The following KMT2D variants were observed in gnomAD, a reference collection of about 807,000 sequenced individuals.
The protein encoded by KMT2D is histone-lysine N-methyltransferase 2D.
A neutral mutation model predicts 512.7 loss-of-function variants in KMT2D; 55 were observed. That is an observed-to-expected ratio of 0.11 (90% confidence interval 0.09 to 0.13). The LOEUF (loss-of-function observed/expected upper bound fraction) is 0.13, where lower values mean the gene tolerates loss of function less well. Among genes scored for constraint, KMT2D ranks in the 10% least tolerant of loss-of-function variants. KMT2D has a pLI of 1.00. For synonymous variants in KMT2D, 2,995 were observed against 2,904.0 expected (o/e 1.03, Z -1.01); for missense variants, 6,061 against 7,127.9 (o/e 0.85, Z 5.39).
chr12:49,058,590 A>G (rs564756054), intron 1 of KMT2D, among the ~76,000 whole-genome samples: 1 of 152,134 alleles, frequency 6.6e-6, no homozygotes, highest in African/African-American at 2.4e-5. Context: ...TCTCCCCAAT[A>G]CCTTCTGCCA....
In KMT2D at chr12:49,039,472, T is replaced by C; in HGVS notation, c.8192A>G (p.Gln2731Arg). 6.2e-7 allele frequency: 1 copy of C among 1,606,492 alleles called. No homozygotes were observed. The highest frequency in any genetic ancestry group is 8.5e-7 in the Non-Finnish European group (1 of 1,175,372). Residue 2731 changes from glutamine to arginine, a missense_variant, in exon 33 of 55, where the codon CAG becomes CGG. Physicochemically the swap from Gln to Arg is conservative, Grantham distance 43. This residue lies in a region of KMT2D where 527 missense variants were observed against 578.9 expected (regional missense o/e 0.91). Coordinates refer to ENST00000301067, the MANE Select transcript of KMT2D (RefSeq NM_003482.4). This position sits in a 1 kb window ranked among gnomAD's most constrained non-coding sequence, Gnocchi z 5.0. ...AAAGGGGGTCTGGCCTCGACTCAGC[T>C]GCTCAAAGGCAGGGCTGCTGGGCTC... ...GAEPSSPAFE[Q>R]LSRGQTPFAG...
In KMT2D at chr12:49,053,462, C is replaced by A. The variant is rs1224679829; in HGVS notation, c.839+14G>T. 2 of 1,610,804 alleles carry A rather than the reference C, an allele frequency of 1.2e-6. No homozygotes were observed. Among genetic ancestry groups the A allele is most frequent in the African/African-American group, 1.3e-5 (1 of 74,994 alleles). On this transcript the variant is annotated intron_variant, in intron 7 of 54. Transcript: ENST00000301067. ...GTTGTGCCTAAGACTTTCCTCCTGC[C>A]CTTCCATTCCTACCTGCAGGCTTGG...
rs80149580 is a variant in KMT2D, at chr12:49,037,311, T to C, written c.10045A>G (p.Met3349Val). Reference sequence around the variant, plus strand: ...AGCATATGCCCTTGATTGGACACCATAGCCATGGATGGAGCCAGGCGTTGC... The same window carrying C: ...AGCATATGCCCTTGATTGGACACCACAGCCATGGATGGAGCCAGGCGTTGC... ...LQQRLAPSMA[M>V]VSNQGHMLSG... The change falls in exon 35 of 55, where the codon ATG (methionine) becomes GTG (valine). Residue 3349 changes from methionine (M) to valine (V), a missense_variant. Around this residue, in one of 16 missense-constraint regions of KMT2D, gnomAD observed 533 missense variants for 539.6 expected, o/e 0.99. Transcript: ENST00000301067. 1.1e-3 allele frequency: 1,814 copies of C among 1,613,238 alleles called. 26 individuals are homozygous for C. The East Asian group carries it at 0.037, about 33-fold the overall frequency.
Position 49,033,931 on chromosome 12 carries a change from T to C in KMT2D, c.10774A>G (p.Met3592Val), listed in dbSNP as rs372758101. ...RKQQKEHTNL[M>V]AEYRNKQQQQ... ...TGCTGCTTGTTCCGATATTCTGCCATGAGATTAGTGTGCTCCTTCTGCTGT... is the reference window on the plus strand; with the variant it reads ...TGCTGCTTGTTCCGATATTCTGCCACGAGATTAGTGTGCTCCTTCTGCTGT... The change falls in exon 40 of 55, where the codon ATG (methionine) becomes GTG (valine). Residue 3592 changes from methionine (M) to valine (V), a missense_variant. Met to Val is a conservative substitution (Grantham distance 21). Transcript: ENST00000301067. The C allele has an allele frequency of 2.0e-6, 3 of 1,528,382 alleles. No individual in the cohort carries two copies. The highest frequency in any genetic ancestry group is 4.1e-5 in the Admixed American group (2 of 49,060). 94.7% of individuals were successfully genotyped at this position (1,528,382 alleles called of 1,614,324 possible). A position where few individuals can be genotyped will look rare whatever the true frequency, so the allele number is the denominator to read the frequency against.
Position 49,042,030 on chromosome 12 carries a change from G to A in KMT2D, c.6110-40C>T, listed in dbSNP as rs752831850. 1 of 1,611,794 alleles carries A rather than the reference G, an allele frequency of 6.2e-7. No individual in the cohort carries two copies. Among genetic ancestry groups the A allele is most frequent in the East Asian group, 2.2e-5 (1 of 44,826 alleles). On this transcript the variant is annotated intron_variant, in intron 29 of 54. Transcript: ENST00000301067. The surrounding 1 kb of genome is among the most constrained non-coding windows in gnomAD (Gnocchi z 4.4). Reference sequence around the variant, plus strand: ...GAGTGAGTCAGAGAAGACTTGGCAGGCGACTCCTCCACCTGCCATGTTGCC... The same window carrying A: ...GAGTGAGTCAGAGAAGACTTGGCAGACGACTCCTCCACCTGCCATGTTGCC...
chr12:49,035,891 ACTCC>A (rs1377771723), intron 35 of KMT2D: 1 of 151,916 alleles, frequency 6.6e-6, no homozygotes, highest in African/African-American at 2.4e-5. Flanking sequence ...ACTAACCCAA[ACTCC>A]CTCTCCTGGA....
chr12:49,051,289 G>A lies in KMT2D; in HGVS notation c.2394C>T (p.Ser798=), dbSNP rs750431611. 1.3e-5 allele frequency: 21 copies of A among 1,566,770 alleles called. No individual in the cohort carries two copies. The Admixed American group carries it at 3.1e-4, about 23-fold the overall frequency. Residue 798 remains serine, a synonymous_variant, in exon 11 of 55, where the codon TCC becomes TCT. Transcript: ENST00000301067. ...ACAGGTGCAATTCCTCAGGCTGAGG[G>A]GACAGATGTGGTCCCTCAGCCTGGG... The part of the protein sequence containing the change: ...LSPQAEGPHL[S]PQPEELHLSP...
rs1943772853 is a variant in KMT2D, at chr12:49,046,112, T to A, written c.4646A>T (p.Glu1549Val). 1 of 1,611,014 alleles carries A rather than the reference T, an allele frequency of 6.2e-7. No homozygotes were observed. The highest frequency in any genetic ancestry group is 8.5e-7 in the Non-Finnish European group (1 of 1,178,554). ...CTGGCAGGAGACACAGTCAAAGCCT[T>A]CATCGGCTGCCTGCTCCACATCGTC... ...TEDDVEQAADEGFDCVSCQPY... is the reference protein window; with the variant it reads ...TEDDVEQAADVGFDCVSCQPY... The change falls in exon 18 of 55, where the codon GAA becomes GTA. Residue 1549 changes from glutamate to valine, a missense_variant. Around this residue, in one of 16 missense-constraint regions of KMT2D, gnomAD observed 640 missense variants for 814.3 expected, o/e 0.79. Coordinates refer to ENST00000301067, the MANE Select transcript of KMT2D (RefSeq NM_003482.4). This position sits in a 1 kb window ranked among gnomAD's most constrained non-coding sequence, Gnocchi z 4.2.
At chr12:49,047,932 C>G (rs1022761321) in intron 15 of KMT2D, 33 bp downstream of exon 15, 36 of 1,462,430 alleles carry the variant, frequency 2.5e-5, no homozygotes, top group Non-Finnish European at 3.4e-5. Context: ...TGACCCTATT[C>G]CCCAGCCTAC....
At position 49,022,954 on chromosome 12, in the gene KMT2D, T is replaced by C. The variant is rs1942397315; in HGVS notation, c.16053-79A>G. 12 of 1,414,558 alleles carry C rather than the reference T, an allele frequency of 8.5e-6. No homozygotes were observed. The Middle Eastern group carries it at 5.6e-4, about 66-fold the overall frequency. 87.6% of individuals were successfully genotyped at this position (1,414,558 alleles called of 1,614,324 possible). On this transcript the variant is annotated intron_variant, in intron 51 of 54. Transcript: ENST00000301067. This position sits in a 1 kb window ranked among gnomAD's most constrained non-coding sequence, Gnocchi z 8.6. ...ACCACCCACCTCCTCTGCCACCTCCTGGGATGTGCAACACACCAGTTAGGG... is the reference window on the plus strand; with the variant it reads ...ACCACCCACCTCCTCTGCCACCTCCCGGGATGTGCAACACACCAGTTAGGG...
Position 49,041,157 on chromosome 12 carries a change from C to A in KMT2D, c.6613G>T (p.Ala2205Ser), listed in dbSNP as rs1477207391. 6.6e-7 allele frequency: 1 copy of A among 1,521,852 alleles called. No individual in the cohort carries two copies. The highest frequency in any genetic ancestry group is 1.3e-5 in the South Asian group (1 of 75,202). 94.3% of individuals were successfully genotyped at this position (1,521,852 alleles called of 1,614,324 possible). A position where few individuals can be genotyped will look rare whatever the true frequency, so the allele number is the denominator to read the frequency against. The change falls in exon 32 of 55, where the codon GCC (alanine) becomes TCC (serine). Residue 2205 changes from alanine to serine, a missense_variant. By Grantham distance (99) the Ala-to-Ser change is moderately conservative (BLOSUM62 1). Coordinates refer to ENST00000301067, the MANE Select transcript of KMT2D (RefSeq NM_003482.4). The surrounding 1 kb of genome is among the most constrained non-coding windows in gnomAD (Gnocchi z 5.4). ...CCCAGCATCGGGGGCTGCGCAGGGGCCCCCGTAGGACTAGGATAGGGGGGA... is the reference window on the plus strand; with the variant it reads ...CCCAGCATCGGGGGCTGCGCAGGGGACCCCGTAGGACTAGGATAGGGGGGA... ...TYPPYPSPTG[A>S]PAQPPMLGAS...
chr12:49,042,627 T>A lies in KMT2D; in HGVS notation c.5801A>T (p.Asn1934Ile), dbSNP rs756972898. 1.9e-6 allele frequency: 3 copies of A among 1,613,532 alleles called. No homozygotes were observed. The highest frequency in any genetic ancestry group is 2.5e-6 in the Non-Finnish European group (3 of 1,179,718). The change falls in exon 28 of 55, where the codon AAT becomes ATT. Residue 1934 changes from asparagine to isoleucine, a missense_variant. This residue lies in a region of KMT2D where 640 missense variants were observed against 814.3 expected (regional missense o/e 0.79). Coordinates refer to ENST00000301067, the MANE Select transcript of KMT2D (RefSeq NM_003482.4). This position sits in a 1 kb window ranked among gnomAD's most constrained non-coding sequence, Gnocchi z 4.4. ...PFLQGGLPLG[N>I]LPSSSPMDSY... Reference sequence around the variant, plus strand: ...GTCCATTGGGCTGCTGGAGGGCAGATTGCCCAAAGGGAGTCCACCTACAAG... The same window carrying A: ...GTCCATTGGGCTGCTGGAGGGCAGAATGCCCAAAGGGAGTCCACCTACAAG...
In KMT2D at chr12:49,022,130, G is replaced by A. The variant is rs769312851; in HGVS notation, c.16434C>T (p.Ala5478=). 5.0e-6 allele frequency: 8 copies of A among 1,613,702 alleles called. No homozygotes were observed. The East Asian group carries it at 6.7e-5, about 13-fold the overall frequency. ...GPARYINHSC[A]PNCVAEVVTF... is the part of the protein sequence containing the mutation. ...TCACGACTTCGGCCACACAGTTAGG[G>A]GCACAGGAATGGTTAATGTACCTGG... Residue 5478 remains alanine (A), a synonymous_variant, in exon 54 of 55, where the codon GCC becomes GCT. Coordinates refer to ENST00000301067, the MANE Select transcript of KMT2D (RefSeq NM_003482.4). The surrounding 1 kb of genome is among the most constrained non-coding windows in gnomAD (Gnocchi z 8.6).
chr12:49,021,893 A>C, intron 54 of KMT2D, 21 bp from the exon 55 acceptor site: 1 of 1,605,090 alleles, frequency 6.2e-7, no homozygotes, highest in Non-Finnish European at 8.5e-7. Context: ...AAGAGGGCAG[A>C]ATCAATGCTA....
chr12:49,033,397 C>T lies in KMT2D; in HGVS notation c.11308G>A (p.Gly3770Ser). ...GPGVQTNQALGPKPQGLMPPS... is the reference protein window; with the variant it reads ...GPGVQTNQALSPKPQGLMPPS... ...GGCATAAGGCCCTGGGGCTTGGGAC[C>T]CAGAGCTTGGTTTGTCTGTACTCCA... Residue 3770 changes from glycine (G) to serine (S), a missense_variant, in exon 40 of 55, where the codon GGT (glycine) becomes AGT (serine). By Grantham distance (56) the Gly-to-Ser change is moderately conservative. Transcript: ENST00000301067. 6.4e-7 allele frequency: 1 copy of T among 1,572,712 alleles called. No individual in the cohort carries two copies.
At position 49,053,056 on chromosome 12, in the gene KMT2D, C is replaced by G; in HGVS notation, c.971G>C (p.Arg324Pro). 1 of 1,613,984 alleles carries G rather than the reference C, an allele frequency of 6.2e-7. No homozygotes were observed. The highest frequency in any genetic ancestry group is 8.5e-7 in the Non-Finnish European group (1 of 1,179,858). Reference protein sequence around the residue: ...SWKCKACRVCRACGAGSAELN... With the variant: ...SWKCKACRVCPACGAGSAELN... ...TTCTGCTGAGCCCGCCCCACAGGCC[C>G]GGCACACCCGGCACGCCTAAGGGAA... The change falls in exon 9 of 55, where the codon CGG (arginine) becomes CCG (proline). Residue 324 changes from arginine (R) to proline (P), a missense_variant. Arg to Pro is a moderately radical substitution (Grantham distance 103, BLOSUM62 -2). Coordinates refer to ENST00000301067, the MANE Select transcript of KMT2D (RefSeq NM_003482.4).
At position 49,046,203 on chromosome 12, in the gene KMT2D, C is replaced by T. The variant is rs2120602698; in HGVS notation, c.4584-29G>A. On this transcript the variant is annotated intron_variant, in intron 17 of 54. Transcript: ENST00000301067. This position sits in a 1 kb window ranked among gnomAD's most constrained non-coding sequence, Gnocchi z 4.2. ...GAGAACAGAGACTGGAGGAAATAAG[C>T]TCAGGCAATGCGAGGCTGGCAACAG... The T allele has an allele frequency of 6.2e-7, 1 of 1,612,740 alleles. No homozygotes were observed. The highest frequency in any genetic ancestry group is 8.5e-7 in the Non-Finnish European group (1 of 1,179,240).
rs749890814 is a variant in KMT2D, at chr12:49,045,939, G to A, written c.4722C>T (p.Pro1574=). The A allele has an allele frequency of 6.2e-7, 1 of 1,613,844 alleles. No individual in the cohort carries two copies. Among genetic ancestry groups the A allele is most frequent in the Non-Finnish European group, 8.5e-7 (1 of 1,179,792 alleles). Residue 1574 remains proline, a synonymous_variant, in exon 19 of 55, where the codon CCC becomes CCT. Transcript: ENST00000301067. ...VAPVAPPELV[P]MKVKEPEPQY... ...ACTCACCTGGCTCTTTCACCTTCAT[G>A]GGCACCAGCTCTGGAGGTGCAACAG...
rs1347661360 is a variant in KMT2D at position 49,042,111 on chromosome 12, A to C, written c.6087T>G (p.Pro2029=). 1 of 1,613,768 alleles carries C rather than the reference A, an allele frequency of 6.2e-7. No individual in the cohort carries two copies. The highest frequency in any genetic ancestry group is 1.1e-5 in the South Asian group (1 of 91,048). ...SPVLYANINF[P]NLKQDYPDWS... ...TACCTGGGTAGTCTTGCTTGAGATT[A>C]GGAAAATTAATGTTGGCATAGAGCA... is the stretch of plus-strand genomic sequence containing the variant. Residue 2029 remains proline (P), a synonymous_variant, in exon 29 of 55, where the codon CCT becomes CCG. Coordinates refer to ENST00000301067, the MANE Select transcript of KMT2D (RefSeq NM_003482.4). The surrounding 1 kb of genome is among the most constrained non-coding windows in gnomAD (Gnocchi z 4.4).
Sources: gnomAD v4.1 joint callset for allele counts (sites outside exome capture counted in the v4.1 genomes callset) on GRCh38, gnomAD v4.1.1 for gene constraint, gnomAD v4.1.1 regional missense constraint, Gnocchi (gnomAD v3.1) non-coding constraint, MANE v1.5 for transcripts, NCBI Gene and HGNC (gene_info 2026-07-23, HGNC 2026-07-21) for gene names.